NRCAM: variants seen among roughly 807,000 people sequenced by gnomAD.
NRCAM encodes NgCAM-related cell adhesion molecule.
NRCAM carries 83 observed loss-of-function variants against 156.5 expected under a neutral mutation model. The observed-to-expected ratio is 0.53, with a 90% confidence interval of 0.44 to 0.64. The LOEUF (loss-of-function observed/expected upper bound fraction) is 0.64. Among genes scored for constraint, NRCAM ranks in the 30% least tolerant of loss-of-function variants. The pLI is 0.00. For missense variants in NRCAM, 1,417 were observed against 1,597.3 expected (o/e 0.89, Z 1.92); for synonymous variants, 538 against 563.9 (o/e 0.95, Z 0.65).
At chr7:108,378,832 G>T (rs1218724028) in intron 2 of NRCAM, among the ~76,000 whole-genome samples, 1 of 151,792 alleles carries the variant, frequency 6.6e-6, no homozygotes, top group Non-Finnish European at 1.5e-5. Flanking sequence ...ATAGAAAATG[G>T]AAGGAGGATT....
At position 108,273,603 on chromosome 7, in the gene NRCAM, T is replaced by G. The variant is rs10240231; in HGVS notation, c.-106-33433A>C. 7.0e-3 allele frequency among the ~76,000 whole-genome samples: 1,067 copies of G among 152,344 alleles called. 11 individuals carry two copies. Among genetic ancestry groups the G allele is most frequent in the African/African-American group, 0.024 (1,018 of 41,582 alleles). ...ACTTTTTATGCGGTTGTTTTTTTCT[T>G]GTAAATTTGTTTAAGATCTTTGTAG... On this transcript the variant is annotated intron_variant, in intron 3 of 32. Transcript: ENST00000379028.
At chr7:108,210,919 T>A (rs112264123) in intron 11 of NRCAM, among the ~76,000 whole-genome samples, 2,499 of 152,220 alleles carry the variant, frequency 0.016, 45 homozygotes, top group Non-Finnish European at 0.024. Flanking sequence ...CCAGAAGGGA[T>A]CATCATGGCA....
intron 2 of NRCAM, among the ~76,000 whole-genome samples, chr7:108,342,002 C>T (rs1362424578): frequency 6.6e-6 from 1 of 152,190 alleles, no homozygotes; most frequent in African/African-American, 2.4e-5. Flanking sequence ...CCCTGTACAT[C>T]CTGACTCTCG....
At position 108,382,259 on chromosome 7, in the gene NRCAM, G is replaced by A. The variant is rs144532694; in HGVS notation, c.-174+17177C>T. On this transcript the variant is annotated intron_variant, in intron 2 of 32. Transcript: ENST00000379028. ...TTTGAATGTAGAAAAAAACTCTTTAGAAACAGGTAAAGGTAGAGTTTGGTA... is the reference window on the plus strand; with the variant it reads ...TTTGAATGTAGAAAAAAACTCTTTAAAAACAGGTAAAGGTAGAGTTTGGTA... Among the ~76,000 whole-genome samples, 186 of 149,216 alleles carry A rather than the reference G, an allele frequency of 1.2e-3. 1 individual carries two copies. Among genetic ancestry groups the A allele is most frequent in the African/African-American group, 3.8e-3 (155 of 40,506 alleles).
rs1465554228 is a variant in NRCAM at position 108,241,901 on chromosome 7, A to G, written c.-106-1731T>C. 2.0e-5 allele frequency among the ~76,000 whole-genome samples: 3 copies of G among 152,208 alleles called. No individual in the cohort carries two copies. The East Asian group carries it at 5.8e-4, about 29-fold the overall frequency. ...TTAAAAGGAAAATGAAATAATCCTAATAACATATTTTGCTAGCAATCAAGT... is the reference window on the plus strand; with the variant it reads ...TTAAAAGGAAAATGAAATAATCCTAGTAACATATTTTGCTAGCAATCAAGT... On this transcript the variant is annotated intron_variant, in intron 3 of 32. Coordinates refer to ENST00000379028, the MANE Select transcript of NRCAM (RefSeq NM_001037132.4).
chr7:108,271,374 T>C (rs1434454495), intron 3 of NRCAM, among the ~76,000 whole-genome samples: 2 of 152,192 alleles, frequency 1.3e-5, no homozygotes, highest in African/African-American at 2.4e-5. Context: ...GTGCCCACAC[T>C]TTCTCTTCCA....
chr7:108,302,910 T>C (rs12540012), intron 3 of NRCAM, among the ~76,000 whole-genome samples: 1 of 152,010 alleles, frequency 6.6e-6, no homozygotes, highest in African/African-American at 2.4e-5. Context: ...AACAGATTCA[T>C]CACAGTCCTG....
chr7:108,420,295 T>C (rs973998052), intron 1 of NRCAM, among the ~76,000 whole-genome samples: 10 of 152,140 alleles, frequency 6.6e-5, no homozygotes, highest in South Asian at 2.1e-4. Flanking sequence ...TTGCAGACAC[T>C]TGATGTCTGA....
intron 3 of NRCAM, among the ~76,000 whole-genome samples, chr7:108,296,952 C>T (rs983993366): frequency 2.5e-4 from 38 of 151,960 alleles, no homozygotes; most frequent in African/African-American, 8.5e-4. Flanking sequence ...TCTTTTAACC[C>T]GAAAGAGGGT....
intron 1 of NRCAM, among the ~76,000 whole-genome samples, chr7:108,401,708 G>A (rs141574695): frequency 1.1e-4 from 16 of 152,288 alleles, no homozygotes; most frequent in East Asian, 7.7e-4. Flanking sequence ...CAAGAGAGAT[G>A]AGTCTTGTCT....
At chr7:108,176,997 A>C (rs562490636) in intron 26 of NRCAM, among the ~76,000 whole-genome samples, 1 of 152,162 alleles carries the variant, frequency 6.6e-6, no homozygotes, top group African/African-American at 2.4e-5. Flanking sequence ...TAGAAAATGC[A>C]TATGTGATTT....
intron 2 of NRCAM, among the ~76,000 whole-genome samples, chr7:108,361,245 G>C (rs566119321): frequency 6.6e-6 from 1 of 152,326 alleles, no homozygotes; most frequent in Admixed American, 6.5e-5. Flanking sequence ...AAATGCTGGT[G>C]AAGATGACAC....
chr7:108,258,243 A>G (rs2096759026), intron 3 of NRCAM, among the ~76,000 whole-genome samples: 1 of 152,186 alleles, frequency 6.6e-6, no homozygotes, highest in South Asian at 2.1e-4. Context: ...AAATGGCAAT[A>G]ATTCCCTCTG....
intron 2 of NRCAM, among the ~76,000 whole-genome samples, chr7:108,389,142 C>G (rs1370936917): frequency 6.6e-6 from 1 of 152,092 alleles, no homozygotes; most frequent in African/African-American, 2.4e-5. Context: ...CTATAAATTA[C>G]CTTGGGCAGT....
At chr7:108,357,364 G>A (rs967577936) in intron 2 of NRCAM, among the ~76,000 whole-genome samples, 68 of 139,096 alleles carry the variant, frequency 4.9e-4, no homozygotes, top group Admixed American at 1.9e-3. Context: ...ACAAAGTCTC[G>A]CTCTTGTCCC....
chr7:108,184,213 G>A (rs747865253), intron 22 of NRCAM, 28 bp downstream of exon 22: 12 of 1,572,838 alleles, frequency 7.6e-6, no homozygotes, highest in Admixed American at 1.7e-5. Flanking sequence ...AAAAAATAGC[G>A]AATAAATTTG....
intron 2 of NRCAM, among the ~76,000 whole-genome samples, chr7:108,382,429 C>T (rs972193175): frequency 1.3e-5 from 2 of 151,892 alleles, no homozygotes; most frequent in Admixed American, 1.3e-4. Flanking sequence ...GACCCCATCT[C>T]TATTTTTTTA....
intron 19 of NRCAM, among the ~76,000 whole-genome samples, chr7:108,190,761 C>T (rs569899470): frequency 2.6e-4 from 39 of 152,220 alleles, no homozygotes; most frequent in African/African-American, 8.9e-4. Flanking sequence ...CATGGTGAGT[C>T]GGTTTTCTCT....
chr7:108,370,013 A>G lies in NRCAM; in HGVS notation c.-174+29423T>C, dbSNP rs118158490. ...CAAACTATTACGATTAAAAGAGTCA[A>G]TCCAGCTGTCTGAAAATATTCGGTA... On this transcript the variant is annotated intron_variant, in intron 2 of 32. Coordinates refer to ENST00000379028, the MANE Select transcript of NRCAM (RefSeq NM_001037132.4). Among the ~76,000 whole-genome samples the G allele has an allele frequency of 4.2e-4, 64 of 152,308 alleles. 1 individual carries two copies. Among genetic ancestry groups the G allele is most frequent in the Middle Eastern group, 6.8e-3 (2 of 294 alleles).
Sources: gnomAD v4.1 joint callset for allele counts (sites outside exome capture counted in the v4.1 genomes callset) on GRCh38, gnomAD v4.1.1 for gene constraint, MANE v1.5 for transcripts, NCBI Gene and HGNC (gene_info 2026-07-23, HGNC 2026-07-21) for gene names.